DIAPH2: variants seen among roughly 807,000 people sequenced by gnomAD.
DIAPH2 encodes the protein protein diaphanous homolog 2.
A neutral mutation model predicts 92.7 loss-of-function variants in DIAPH2; 35 were observed. The ratio of observed to expected loss-of-function variants is 0.38; its 90% CI spans 0.29 to 0.50. The LOEUF is 0.50. Among genes scored for constraint, DIAPH2 ranks in the 20% least tolerant of loss-of-function variants. The pLI is 0.94. For synonymous variants in DIAPH2, 301 were observed against 280.4 expected (o/e 1.07, Z -0.73); for missense variants, 701 against 819.5 (o/e 0.86, Z 1.77).
intron 25 of DIAPH2, among the ~76,000 whole-genome samples, chrX:97,413,340 C>T (rs2069900432): frequency 9.0e-6 from 1 of 110,713 alleles, no homozygotes; most frequent in Non-Finnish European, 1.9e-5. Flanking sequence ...AAAAGGCCTT[C>T]GACAGAATTC....
chrX:97,553,703 T>C (rs1439130272), intron 26 of DIAPH2, among the ~76,000 whole-genome samples: 3 of 97,971 alleles, frequency 3.1e-5, no homozygotes, highest in Non-Finnish European at 6.2e-5. Flanking sequence ...AAGAAGAAAA[T>C]GGCTGGGAAA....
rs749309442 is a variant in DIAPH2 at position 96,878,893 on chromosome X, G to A, written c.448-2686G>A. ...ATCTCTGAATATATTACAACTGAAA[G>A]TCTCAGAACTATAATATTCTGAAGC... On this transcript the variant is annotated intron_variant, in intron 4 of 26. Transcript: ENST00000324765. Among the ~76,000 whole-genome samples, 3 of 112,061 alleles carry A rather than the reference G, an allele frequency of 2.7e-5. No homozygotes were observed. The South Asian group carries it at 1.1e-3, about 42-fold the overall frequency.
At chrX:96,758,794 T>C (rs2064248629) in intron 4 of DIAPH2, among the ~76,000 whole-genome samples, 1 of 111,708 alleles carries the variant, frequency 9.0e-6, no homozygotes, top group Non-Finnish European at 1.9e-5. Context: ...TGTCACCTAA[T>C]AGGAGCTTTA....
intron 17 of DIAPH2, among the ~76,000 whole-genome samples, chrX:97,050,952 A>C (rs925902100): frequency 5.4e-5 from 6 of 112,052 alleles, no homozygotes; most frequent in African/African-American, 1.6e-4. Flanking sequence ...ATTTTGTTAA[A>C]AGTATCACTT....
At chrX:96,701,240 A>G (rs2063853450) in intron 1 of DIAPH2, among the ~76,000 whole-genome samples, 1 of 111,789 alleles carries the variant, frequency 8.9e-6, no homozygotes, top group Non-Finnish European at 1.9e-5. Context: ...AGACACATCA[A>G]ATCTTTGTTA....
intron 9 of DIAPH2, among the ~76,000 whole-genome samples, chrX:96,923,550 T>G (rs2147788279): frequency 8.9e-6 from 1 of 112,228 alleles, no homozygotes; most frequent in East Asian, 2.8e-4. Context: ...CTATTTATTC[T>G]CTTTTCATAT....
chrX:96,757,163 C>T (rs973113283), intron 3 of DIAPH2, among the ~76,000 whole-genome samples: 8 of 110,557 alleles, frequency 7.2e-5, no homozygotes, highest in South Asian at 3.8e-4. Context: ...GTGATCCACC[C>T]GCCTTGGCCT....
chrX:97,357,103 C>T (rs1258003622), intron 24 of DIAPH2, among the ~76,000 whole-genome samples: 2 of 111,519 alleles, frequency 1.8e-5, no homozygotes, highest in African/African-American at 6.5e-5. Flanking sequence ...GAAGTGTTCC[C>T]TATAAATAAG....
intron 22 of DIAPH2, among the ~76,000 whole-genome samples, chrX:97,186,964 G>A (rs1830465698): frequency 8.9e-6 from 1 of 111,952 alleles, no homozygotes; most frequent in Admixed American, 9.5e-5. Flanking sequence ...CCTTTTGCCT[G>A]TTTACGTAAG....
At chrX:97,282,367 C>G (rs1274319577) in intron 23 of DIAPH2, among the ~76,000 whole-genome samples, 1 of 111,675 alleles carries the variant, frequency 9.0e-6, no homozygotes, top group Non-Finnish European at 1.9e-5. Context: ...GAAATTGGCT[C>G]ACTGCAACCT....
intron 24 of DIAPH2, among the ~76,000 whole-genome samples, chrX:97,352,666 G>A (rs1332719477): frequency 2.8e-5 from 3 of 107,994 alleles, no homozygotes; most frequent in East Asian, 5.7e-4. Flanking sequence ...TCAGGAGATC[G>A]AGACCATCCT....
intron 4 of DIAPH2, among the ~76,000 whole-genome samples, chrX:96,845,055 A>G (rs1342724680): frequency 1.8e-5 from 2 of 112,307 alleles, no homozygotes; most frequent in African/African-American, 6.5e-5. Context: ...GCAGTTAATC[A>G]TTAAACATTT....
intron 20 of DIAPH2, among the ~76,000 whole-genome samples, chrX:97,100,323 T>C (rs1242479085): frequency 8.9e-6 from 1 of 111,911 alleles, no homozygotes; most frequent in African/African-American, 3.2e-5. Context: ...GAAAATCTTA[T>C]ACATCATGTC....
intron 23 of DIAPH2, among the ~76,000 whole-genome samples, chrX:97,305,613 A>G (rs1202658888): frequency 9.1e-6 from 1 of 110,345 alleles, no homozygotes; most frequent in Non-Finnish European, 1.9e-5. Context: ...TGAGGTCAGG[A>G]GTTCGAGACC....
chrX:97,080,816 C>G (rs905232387), intron 19 of DIAPH2, among the ~76,000 whole-genome samples: 1 of 111,083 alleles, frequency 9.0e-6, no homozygotes, highest in Non-Finnish European at 1.9e-5. Flanking sequence ...TATAATTATT[C>G]TTATAGTCAG....
chrX:97,328,943 T>A (rs1890449566), intron 23 of DIAPH2, among the ~76,000 whole-genome samples: 1 of 112,087 alleles, frequency 8.9e-6, no homozygotes, highest in African/African-American at 3.2e-5. Flanking sequence ...TGTTACTATG[T>A]AAACATACTC....
At chrX:97,148,054 A>G (rs2067259289) in intron 22 of DIAPH2, among the ~76,000 whole-genome samples, 1 of 111,464 alleles carries the variant, frequency 9.0e-6, no homozygotes, top group Admixed American at 9.6e-5. Context: ...AGCTGGTTGA[A>G]GCTTTAGAGA....
At chrX:97,185,544 G>T (rs2067597140) in intron 22 of DIAPH2, among the ~76,000 whole-genome samples, 1 of 68,703 alleles carries the variant, frequency 1.5e-5, no homozygotes, top group Admixed American at 2.2e-4. Flanking sequence ...ACTGAATTGA[G>T]ATCTGTCCTC....
intron 1 of DIAPH2, among the ~76,000 whole-genome samples, chrX:96,686,403 A>C (rs1602425151): frequency 1.8e-5 from 2 of 111,201 alleles, no homozygotes. Flanking sequence ...AAAAAAAAAA[A>C]CACTTATCTC....
Sources: gnomAD v4.1 joint callset for allele counts (sites outside exome capture counted in the v4.1 genomes callset) on GRCh38, gnomAD v4.1.1 for gene constraint, MANE v1.5 for transcripts, NCBI Gene and HGNC (gene_info 2026-07-23, HGNC 2026-07-21) for gene names.